Variants in KCTD19 observed in about 807,000 individuals in gnomAD.
KCTD19 encodes potassium channel tetramerization domain containing 19.
Under a neutral mutation model 103.5 loss-of-function variants are expected in KCTD19, and 67 were observed. The ratio of observed to expected loss-of-function variants is 0.65; its 90% CI spans 0.53 to 0.79. The LOEUF is 0.79. Among genes scored for constraint, KCTD19 ranks in the 30% least tolerant of loss-of-function variants. The pLI, the probability that KCTD19 is intolerant of heterozygous loss-of-function variation, is 0.00. For synonymous variants in KCTD19, 439 were observed against 452.2 expected, an observed-to-expected ratio of 0.97 and a Z score of 0.37; for missense variants, 980 against 1,136.1, an observed-to-expected ratio of 0.86 and a Z score of 1.98.
At chr16:67,314,403 A>G (rs2036980858) in intron 2 of KCTD19, among the ~76,000 whole-genome samples, 2 of 152,026 alleles carry the variant, frequency 1.3e-5, no homozygotes, top group South Asian at 4.1e-4. Context: ...CCCCTAAAAG[A>G]AACCCTGTAC....
At chr16:67,313,732 G>A (rs1230981123) in intron 2 of KCTD19, among the ~76,000 whole-genome samples, 1 of 152,104 alleles carries the variant, frequency 6.6e-6, no homozygotes, top group Non-Finnish European at 1.5e-5. Context: ...GGGATTACAG[G>A]CGCATGCCAC....
chr16:67,312,721 G>C (rs1444946194), intron 2 of KCTD19, among the ~76,000 whole-genome samples: 1 of 152,162 alleles, frequency 6.6e-6, no homozygotes, highest in Non-Finnish European at 1.5e-5. Flanking sequence ...CAAAGGAGTT[G>C]TCCATTCTCT....
intron 1 of KCTD19, 83 bp downstream of exon 1, chr16:67,326,622 C>T (rs1167874510): frequency 1.3e-6 from 2 of 1,530,326 alleles, no homozygotes; most frequent in Non-Finnish European, 1.8e-6. Context: ...GGTCTCGAAC[C>T]ACTTAGCCCC....
rs2142507445 is a variant in KCTD19 at position 67,300,024 on chromosome 16, T to C, written c.776-451A>G. ...CTGGGCAGAATTTCCCCCAGAGACA[T>C]ACTGTGTGGCATTATTTTCAGGGTG... On this transcript the variant is annotated intron_variant, in intron 5 of 15. Coordinates refer to ENST00000304372, the MANE Select transcript of KCTD19 (RefSeq NM_001100915.3). The surrounding 1 kb of genome is among the most constrained non-coding windows in gnomAD (Gnocchi z 4.5). The C allele has an allele frequency of 5.8e-6, 1 of 172,054 alleles. No individual in the cohort carries two copies. Among genetic ancestry groups the C allele is most frequent in the South Asian group, 1.7e-4 (1 of 5,830 alleles). 10.7% of individuals were successfully genotyped at this position (172,054 alleles called of 1,614,324 possible).
At chr16:67,309,980 CA>C (rs2036933211) in intron 2 of KCTD19, among the ~76,000 whole-genome samples, 1 of 152,222 alleles carries the variant, frequency 6.6e-6, no homozygotes, top group African/African-American at 2.4e-5. Flanking sequence ...AGCAAGTCCA[CA>C]AAGATTGCCA....
At position 67,326,694 on chromosome 16, in the gene KCTD19, G is replaced by A; in HGVS notation, c.3+11C>T. 1 of 1,584,744 alleles carries A rather than the reference G, an allele frequency of 6.3e-7. No homozygotes were observed. Among genetic ancestry groups the A allele is most frequent in the Non-Finnish European group, 8.5e-7 (1 of 1,169,856 alleles). ...GTGCTTTTGGCGCCCCCGCCAGAGC[G>A]GGCTCCGTACCATGGTCGCGGCTCC... On this transcript the variant is annotated intron_variant, in intron 1 of 15. Transcript: ENST00000304372.
At chr16:67,298,735 C>T (rs892670193) in intron 6 of KCTD19, among the ~76,000 whole-genome samples, 1 of 152,244 alleles carries the variant, frequency 6.6e-6, no homozygotes, top group African/African-American at 2.4e-5. Flanking sequence ...AGAAAACCCA[C>T]TTCTACCTTC....
rs1474208453 is a variant in KCTD19 at position 67,304,408 on chromosome 16, T to C, written c.451+13A>G. ...GTGTGGGCTTTAGGGAGGGACAGCC[T>C]ATCCCAATTCACCTGTAAAGGCTGG... On this transcript the variant is annotated intron_variant, in intron 3 of 15. Transcript: ENST00000304372. The C allele has an allele frequency of 6.2e-7, 1 of 1,613,682 alleles. No individual in the cohort carries two copies. The highest frequency in any genetic ancestry group is 8.5e-7 in the Non-Finnish European group (1 of 1,179,612).
chr16:67,320,381 C>G lies in KCTD19; in HGVS notation c.300+208G>C, dbSNP rs1051988684. ...ACACCCTGTCTCGAAAAAACAAAAGCAGGTAATTTCAGTGTATTGTTTATT... is the reference window on the plus strand; with the variant it reads ...ACACCCTGTCTCGAAAAAACAAAAGGAGGTAATTTCAGTGTATTGTTTATT... On this transcript the variant is annotated intron_variant, in intron 2 of 15. Coordinates refer to ENST00000304372, the MANE Select transcript of KCTD19 (RefSeq NM_001100915.3). This position sits in a 1 kb window ranked among gnomAD's most constrained non-coding sequence, Gnocchi z 4.0. Among the ~76,000 whole-genome samples, 1 of 152,124 alleles carries G rather than the reference C, an allele frequency of 6.6e-6. No individual in the cohort carries two copies. Among genetic ancestry groups the G allele is most frequent in the African/African-American group, 2.4e-5 (1 of 41,442 alleles).
Position 67,304,478 on chromosome 16 carries a change from T to C in KCTD19, c.394A>G (p.Thr132Ala), listed in dbSNP as rs777260682. 17 of 1,614,004 alleles carry C rather than the reference T, an allele frequency of 1.1e-5. No individual in the cohort carries two copies. In the South Asian group the frequency reaches 1.9e-4, roughly 18 times the overall value. The change falls in exon 3 of 16, where the codon ACA becomes GCA. Residue 132 changes from threonine (T) to alanine (A), a missense_variant. Thr to Ala is a moderately conservative substitution (Grantham distance 58). Coordinates refer to ENST00000304372, the MANE Select transcript of KCTD19 (RefSeq NM_001100915.3). ...AERASLNYWR[T>A]WKCISKPSEF... is the part of the protein sequence containing the mutation. ...GAGGGTTTGCTAATACACTTCCATG[T>C]ACGCCAGTAGTTCAGAGATGCTCTC...
chr16:67,291,286 G>T, intron 14 of KCTD19, 23 bp downstream of exon 14: 1 of 1,608,206 alleles, frequency 6.2e-7, no homozygotes, highest in South Asian at 1.1e-5. Context: ...GGTGCCCCAG[G>T]GCCTGAGGCC....
chr16:67,315,760 T>A (rs1462898822), intron 2 of KCTD19, among the ~76,000 whole-genome samples: 2 of 152,124 alleles, frequency 1.3e-5, no homozygotes, highest in African/African-American at 4.8e-5. Flanking sequence ...ATTACAGGTG[T>A]GAGCCACCGT....
intron 1 of KCTD19, among the ~76,000 whole-genome samples, chr16:67,322,651 G>C (rs1156809330): frequency 2.0e-5 from 3 of 152,076 alleles, no homozygotes; most frequent in African/African-American, 4.8e-5. Context: ...CTTTGGAGTA[G>C]GCAAAACTTT....
At chr16:67,296,364 C>A in intron 7 of KCTD19, 105 bp from the exon 8 acceptor site, 1 of 745,034 alleles carries the variant, frequency 1.3e-6, no homozygotes, top group Non-Finnish European at 2.4e-6. Context: ...CAATATCTTT[C>A]CTCAGTCATA....
intron 6 of KCTD19, among the ~76,000 whole-genome samples, chr16:67,298,229 A>G (rs550667641): frequency 1.3e-4 from 20 of 151,938 alleles, no homozygotes; most frequent in African/African-American, 4.8e-4. Context: ...TCTTGACCTC[A>G]TGATCTGCTT....
chr16:67,321,514 C>T (rs2037072217), intron 1 of KCTD19: 1 of 152,178 alleles, frequency 6.6e-6, no homozygotes, highest in African/African-American at 2.4e-5. Flanking sequence ...ACAAATTCAA[C>T]ACAATCTCTG....
chr16:67,303,139 C>T lies in KCTD19; in HGVS notation c.643+7G>A, dbSNP rs374740084. The T allele has an allele frequency of 9.6e-5, 83 of 862,710 alleles. No homozygotes were observed. Among genetic ancestry groups the T allele is most frequent in the Non-Finnish European group, 1.4e-4 (79 of 569,598 alleles). 53.4% of individuals were successfully genotyped at this position (862,710 alleles called of 1,614,324 possible). On this transcript the variant is annotated splice_region_variant and intron_variant, in intron 4 of 15. Transcript: ENST00000304372. This position sits in a 1 kb window ranked among gnomAD's most constrained non-coding sequence, Gnocchi z 4.3. ...GCCCCCCACCCCACCCCGGACAGAG[C>T]AATCACCAATGAAGCGGAACTCGCT...
chr16:67,297,005 A>G (rs2036772244), intron 7 of KCTD19, among the ~76,000 whole-genome samples: 1 of 152,226 alleles, frequency 6.6e-6, no homozygotes, highest in Non-Finnish European at 1.5e-5. Context: ...TGATAGTAAT[A>G]CAGCTTAAAC....
rs1198629966 is a variant in KCTD19 at position 67,303,829 on chromosome 16, G to C, written c.452-492C>G. ...CCCAAAATGCTGGGATTACAGGCAT[G>C]AGCCACCGTGCCCAGCTGGAAATCT... On this transcript the variant is annotated intron_variant, in intron 3 of 15. Transcript: ENST00000304372. The surrounding 1 kb of genome is among the most constrained non-coding windows in gnomAD (Gnocchi z 4.3). Among the ~76,000 whole-genome samples the C allele has an allele frequency of 1.3e-5, 2 of 152,244 alleles. No homozygotes were observed. The highest frequency in any genetic ancestry group is 1.3e-4 in the Admixed American group (2 of 15,290).
Sources: gnomAD v4.1 joint callset for allele counts (sites outside exome capture counted in the v4.1 genomes callset) on GRCh38, gnomAD v4.1.1 for gene constraint, Gnocchi (gnomAD v3.1) non-coding constraint, MANE v1.5 for transcripts, NCBI Gene and HGNC (gene_info 2026-07-23, HGNC 2026-07-21) for gene names.